Variants in MROH1 observed in about 807,000 individuals in gnomAD.
The protein encoded by MROH1 is maestro heat like repeat family member 1, also known as maestro heat-like repeat-containing protein family member 1.
In MROH1, 117 loss-of-function variants were observed where a neutral mutation model predicts 116.5. The observed-to-expected ratio is 1.00, with a 90% confidence interval of 0.86 to 1.17. The LOEUF is 1.17. Among genes scored for constraint, MROH1 ranks in the 50% most tolerant of loss-of-function variants. MROH1 has a pLI of 0.00. For missense variants in MROH1, 1,873 were observed against 1,338.5 expected (o/e 1.40, Z -6.23); for synonymous variants, 921 against 583.9 (o/e 1.58, Z -8.32).
At position 144,200,495 on chromosome 8, in the gene MROH1, C is replaced by T. The variant is rs928435118; in HGVS notation, c.1095C>T (p.Thr365=). 1.9e-6 allele frequency: 3 copies of T among 1,551,936 alleles called. No homozygotes were observed. Among genetic ancestry groups the T allele is most frequent in the Non-Finnish European group, 2.6e-6 (3 of 1,147,686 alleles). The change falls in exon 12 of 44, where the codon ACC becomes ACT. Residue 365 remains threonine (T), a synonymous_variant. Coordinates refer to ENST00000326134, the MANE Select transcript of MROH1 (RefSeq NM_032450.3). ...LPRLDTSNER[T]RVGTLQVVRH... ...GGCTGGACACCAGCAATGAGAGGAC[C>T]CGCGTGGGCACCCTGCAGGTGGTCA...
intron 4 of MROH1, among the ~76,000 whole-genome samples, chr8:144,174,323 C>T (rs117266746): frequency 1.3e-5 from 2 of 152,102 alleles, no homozygotes; most frequent in Non-Finnish European, 2.9e-5. Context: ...TGGGGTTTCT[C>T]AGGGGACCCA....
chr8:144,191,638 G>T lies in MROH1; in HGVS notation c.715-77G>T, dbSNP rs940992191. 8 of 1,558,202 alleles carry T rather than the reference G, an allele frequency of 5.1e-6. No homozygotes were observed. In the Admixed American group the frequency reaches 5.5e-5, roughly 11 times the overall value. On this transcript the variant is annotated intron_variant, in intron 8 of 43. Coordinates refer to ENST00000326134, the MANE Select transcript of MROH1 (RefSeq NM_032450.3). ...CCCAGTGTTCGTTCACGTCCGTCAC[G>T]GGTGCTTGCTGGACATGCTCTGAGC...
chr8:144,214,351 G>A (rs1257483277), intron 12 of MROH1: 1 of 152,252 alleles, frequency 6.6e-6, no homozygotes, highest in Non-Finnish European at 1.5e-5. Context: ...AGTGTGTGGT[G>A]ATCTTATTTA....
intron 1 of MROH1, among the ~76,000 whole-genome samples, chr8:144,151,104 C>T (rs971711623): frequency 3.3e-5 from 5 of 151,982 alleles, no homozygotes; most frequent in South Asian, 4.2e-4. Flanking sequence ...AAAAATTCGT[C>T]GAGTGTGGCG....
At chr8:144,217,673 G>A (rs1041697345) in intron 12 of MROH1, among the ~76,000 whole-genome samples, 4 of 152,094 alleles carry the variant, frequency 2.6e-5, no homozygotes, top group Admixed American at 6.6e-5. Context: ...GCACGATCTC[G>A]GCTCACTACA....
chr8:144,259,104 G>A (rs1296952044), intron 36 of MROH1, 136 bp from the exon 37 acceptor site: 1 of 682,652 alleles, frequency 1.5e-6, no homozygotes, highest in African/African-American at 1.8e-5. Context: ...CAAGCTGGGA[G>A]GCATCTCTGA....
At chr8:144,210,152 C>T (rs1833779709) in intron 12 of MROH1, among the ~76,000 whole-genome samples, 1 of 151,578 alleles carries the variant, frequency 6.6e-6, no homozygotes, top group Admixed American at 6.6e-5. Context: ...TAAAAGCCTA[C>T]CTATGGCCGG....
intron 7 of MROH1, among the ~76,000 whole-genome samples, chr8:144,183,074 TCAAAA>T (rs1826072237): frequency 6.6e-6 from 1 of 151,704 alleles, no homozygotes; most frequent in African/African-American, 2.4e-5. Flanking sequence ...AGACTCTGTC[TCAAAA>T]CAAACAAATC....
At chr8:144,191,054 C>T in intron 8 of MROH1, 119 bp downstream of exon 8, 1 of 1,105,082 alleles carries the variant, frequency 9.0e-7, no homozygotes, top group Non-Finnish European at 1.3e-6. Flanking sequence ...CAGAGGTGCC[C>T]AATGGGAGGT....
rs138336451 is a variant in MROH1, at chr8:144,173,249, C to T, written c.168+4809C>T. Among the ~76,000 whole-genome samples, 115 of 151,530 alleles carry T rather than the reference C, an allele frequency of 7.6e-4. 2 individuals are homozygous for T. Among genetic ancestry groups the T allele is most frequent in the Middle Eastern group, 6.8e-3 (2 of 294 alleles). ...TCACAAGTAGCTGGGACTACAGGCA[C>T]GTGCCACCACTCCTGGCTAATTTTT... is the stretch of plus-strand genomic sequence containing the variant. On this transcript the variant is annotated intron_variant, in intron 4 of 43. Transcript: ENST00000326134.
At chr8:144,181,522 C>T (rs902588968) in intron 7 of MROH1, among the ~76,000 whole-genome samples, 1 of 152,172 alleles carries the variant, frequency 6.6e-6, no homozygotes, top group African/African-American at 2.4e-5. Context: ...CTCTCCTGGC[C>T]CTGCTCTTTG....
intron 25 of MROH1, 44 bp downstream of exon 25, chr8:144,243,660 G>T: frequency 1.3e-6 from 1 of 775,838 alleles, no homozygotes. Flanking sequence ...CAGGTTCCTG[G>T]GAGACTGAGG....
chr8:144,228,035 C>T (rs1284088806), intron 14 of MROH1, among the ~76,000 whole-genome samples: 2 of 151,976 alleles, frequency 1.3e-5, no homozygotes, highest in Non-Finnish European at 1.5e-5. Flanking sequence ...AATTTGAGAC[C>T]AGCCTGGACA....
intron 4 of MROH1, among the ~76,000 whole-genome samples, chr8:144,177,989 C>T (rs1381318683): frequency 6.8e-6 from 1 of 146,890 alleles, no homozygotes; most frequent in African/African-American, 2.5e-5. Context: ...TTCTTTGAGA[C>T]AGTCTTGCTC....
intron 7 of MROH1, 55 bp from the exon 8 acceptor site, chr8:144,190,729 G>T: frequency 6.3e-7 from 1 of 1,585,666 alleles, no homozygotes; most frequent in South Asian, 1.1e-5. Flanking sequence ...CATAGGTGCT[G>T]AGGATCGTCA....
chr8:144,223,059 T>C, intron 13 of MROH1, 49 bp from the exon 14 acceptor site: 4 of 1,609,452 alleles, frequency 2.5e-6, no homozygotes, highest in Non-Finnish European at 1.7e-6. Flanking sequence ...TGGACTGGCA[T>C]GGCAGTCTCT....
chr8:144,232,732 A>G (rs905418264), intron 14 of MROH1, among the ~76,000 whole-genome samples: 30 of 152,066 alleles, frequency 2.0e-4, no homozygotes, highest in African/African-American at 7.0e-4. Flanking sequence ...TGACCTCGTG[A>G]TCTGCCCACC....
chr8:144,243,643 C>T, intron 25 of MROH1, 27 bp downstream of exon 25: 1 of 777,070 alleles, frequency 1.3e-6, no homozygotes, highest in Non-Finnish European at 2.4e-6. Context: ...CCTGGCAGGT[C>T]CTCAGGCAGG....
At chr8:144,223,375 T>G in intron 14 of MROH1, 145 bp downstream of exon 14, 1 of 1,103,298 alleles carries the variant, frequency 9.1e-7, no homozygotes, top group Non-Finnish European at 1.3e-6. Flanking sequence ...CTGTCTTTTG[T>G]TTAATAGAGA....
Sources: gnomAD v4.1 joint callset for allele counts (sites outside exome capture counted in the v4.1 genomes callset) on GRCh38, gnomAD v4.1.1 for gene constraint, MANE v1.5 for transcripts, NCBI Gene and HGNC (gene_info 2026-07-23, HGNC 2026-07-21) for gene names.